HDAC9: variants seen among roughly 807,000 people sequenced by gnomAD.
The protein encoded by HDAC9 is MEF-2 interacting transcription repressor (MITR) protein.
Under a neutral mutation model 139.4 loss-of-function variants are expected in HDAC9, and 41 were observed. The observed-to-expected ratio is 0.29, with a 90% CI of 0.23 to 0.38. HDAC9 has a LOEUF of 0.38. Ranked by LOEUF, HDAC9 falls within the 10% of genes least tolerant of loss-of-function variation. The pLI, the probability that HDAC9 is intolerant of heterozygous loss-of-function variation, is 1.00. For synonymous variants in HDAC9, 517 were observed against 476.2 expected, an observed-to-expected ratio of 1.09 and a Z score of -1.12; for missense variants, 1,147 against 1,297.0, an observed-to-expected ratio of 0.88 and a Z score of 1.78.
At chr7:18,150,191 C>A (rs573376066) in intron 1 of HDAC9, among the ~76,000 whole-genome samples, 15 of 151,270 alleles carry the variant, frequency 9.9e-5, no homozygotes, top group Admixed American at 9.2e-4. Flanking sequence ...CACCATTATA[C>A]ATTGAAATAA....
intron 2 of HDAC9, among the ~76,000 whole-genome samples, chr7:18,204,761 T>C (rs1791376366): frequency 6.6e-6 from 1 of 152,014 alleles, no homozygotes; most frequent in Non-Finnish European, 1.5e-5. Flanking sequence ...TCTGTCAGAT[T>C]GTTTATCCCC....
At chr7:18,802,782 A>G (rs1251801066) in intron 17 of HDAC9, among the ~76,000 whole-genome samples, 6 of 151,644 alleles carry the variant, frequency 4.0e-5, no homozygotes, top group Non-Finnish European at 8.9e-5. Flanking sequence ...CCTCAATTAT[A>G]TTTATGATAT....
At chr7:18,807,046 T>C (rs966747611) in intron 17 of HDAC9, among the ~76,000 whole-genome samples, 1 of 152,214 alleles carries the variant, frequency 6.6e-6, no homozygotes, top group Admixed American at 6.5e-5. Context: ...ATTCTTTAAA[T>C]GTTTGGTAGA....
chr7:18,389,148 G>GT (rs1786227686), intron 1 of HDAC9, among the ~76,000 whole-genome samples: 3 of 152,016 alleles, frequency 2.0e-5, no homozygotes, highest in Non-Finnish European at 2.9e-5. Flanking sequence ...TGTTTTGTCT[G>GT]TTTTTTTGCT....
chr7:18,210,626 G>A (rs1004686706), intron 2 of HDAC9, among the ~76,000 whole-genome samples: 4 of 152,058 alleles, frequency 2.6e-5, no homozygotes, highest in African/African-American at 4.8e-5. Context: ...TTTGTTTTTA[G>A]GCACTTGCTA....
At chr7:18,706,640 C>A (rs1374989809) in intron 12 of HDAC9, among the ~76,000 whole-genome samples, 1 of 152,160 alleles carries the variant, frequency 6.6e-6, no homozygotes, top group Non-Finnish European at 1.5e-5. Context: ...TGAGAGACAT[C>A]TAGTCATGTC....
Position 18,889,455 on chromosome 7 carries a change from C to G in HDAC9, c.2803+14859C>G, listed in dbSNP as rs150177403. On this transcript the variant is annotated intron_variant, in intron 22 of 25. Coordinates refer to ENST00000686413, the MANE Select transcript of HDAC9 (RefSeq NM_178425.4). ...ATGGAGTGATTTAAAAAAAAATGAT[C>G]TATTTAAAAATATATTTAAAGTCAA... Among the ~76,000 whole-genome samples the G allele has an allele frequency of 6.3e-3, 955 of 152,048 alleles. 12 individuals carry two copies. Among genetic ancestry groups the G allele is most frequent in the African/African-American group, 0.022 (894 of 41,502 alleles).
intron 19 of HDAC9, 122 bp from the exon 20 acceptor site, chr7:18,835,345 A>T: frequency 2.8e-6 from 3 of 1,059,168 alleles, no homozygotes; most frequent in Non-Finnish European, 4.0e-6. Context: ...AGAGGAACGT[A>T]GTGAGAAGAC....
intron 1 of HDAC9, among the ~76,000 whole-genome samples, chr7:18,414,577 A>T (rs1483038281): frequency 1.3e-5 from 2 of 152,204 alleles, no homozygotes; most frequent in African/African-American, 2.4e-5. Flanking sequence ...GTAACAAATA[A>T]ATTATAAGTA....
intron 1 of HDAC9, among the ~76,000 whole-genome samples, chr7:18,475,767 G>T (rs750615366): frequency 1.6e-4 from 24 of 152,314 alleles, no homozygotes; most frequent in Non-Finnish European, 3.1e-4. Context: ...TGGAATGACT[G>T]TGTTAGGCTC....
intron 1 of HDAC9, among the ~76,000 whole-genome samples, chr7:18,450,797 G>T (rs903421789): frequency 2.6e-5 from 4 of 152,062 alleles, no homozygotes; most frequent in Admixed American, 2.0e-4. Context: ...ATTATATTGT[G>T]ATTGGTCAGC....
At chr7:18,940,327 T>A (rs901505624) in intron 23 of HDAC9, among the ~76,000 whole-genome samples, 1 of 152,208 alleles carries the variant, frequency 6.6e-6, no homozygotes, top group African/African-American at 2.4e-5. Context: ...CAGAAATATG[T>A]ACAAGGTCAG....
At chr7:18,391,855 G>T (rs1460476830) in intron 1 of HDAC9, among the ~76,000 whole-genome samples, 1 of 152,166 alleles carries the variant, frequency 6.6e-6, no homozygotes, top group Non-Finnish European at 1.5e-5. Flanking sequence ...TTATTTACAG[G>T]ATTCCATGAG....
chr7:18,776,285 A>G (rs972154985), intron 16 of HDAC9, among the ~76,000 whole-genome samples: 3 of 151,950 alleles, frequency 2.0e-5, no homozygotes, highest in East Asian at 1.9e-4. Flanking sequence ...TCCAGCATCA[A>G]TCCACAACTC....
chr7:18,704,471 A>C (rs1783734333), intron 12 of HDAC9, among the ~76,000 whole-genome samples: 1 of 152,140 alleles, frequency 6.6e-6, no homozygotes, highest in Non-Finnish European at 1.5e-5. Flanking sequence ...TACTTAACTG[A>C]ATTTGTGTGT....
At chr7:18,891,375 T>A (rs553647800) in intron 22 of HDAC9, among the ~76,000 whole-genome samples, 4 of 152,254 alleles carry the variant, frequency 2.6e-5, no homozygotes, top group African/African-American at 9.6e-5. Context: ...TCCAGGAAGG[T>A]CCTCTACTTT....
chr7:18,818,661 T>A lies in HDAC9; in HGVS notation c.2323-10500T>A, dbSNP rs148818672. Among the ~76,000 whole-genome samples, 1,246 of 152,334 alleles carry A rather than the reference T, an allele frequency of 8.2e-3. 6 individuals carry two copies. Among genetic ancestry groups the A allele is most frequent in the South Asian group, 0.037 (179 of 4,832 alleles). On this transcript the variant is annotated intron_variant, in intron 17 of 25. Transcript: ENST00000686413. ...TTAGTGTTTGTTAAAGTCTGAATCA[T>A]CTTGACGTTTTGTTCTGCATTCTGT...
At chr7:18,171,572 G>T (rs1482181978) in intron 2 of HDAC9, among the ~76,000 whole-genome samples, 1 of 152,158 alleles carries the variant, frequency 6.6e-6, no homozygotes, top group African/African-American at 2.4e-5. Context: ...GTATGATATT[G>T]GCTGTGGGTT....
chr7:18,818,301 C>T (rs1476422708), intron 17 of HDAC9, among the ~76,000 whole-genome samples: 1 of 152,160 alleles, frequency 6.6e-6, no homozygotes, highest in African/African-American at 2.4e-5. Flanking sequence ...AACAGAATCC[C>T]GATCAGCTGG....
Sources: gnomAD v4.1 joint callset for allele counts (sites outside exome capture counted in the v4.1 genomes callset) on GRCh38, gnomAD v4.1.1 for gene constraint, MANE v1.5 for transcripts, NCBI Gene and HGNC (gene_info 2026-07-23, HGNC 2026-07-21) for gene names.